Variants in XPO4 observed in about 807,000 individuals in gnomAD.
The protein encoded by XPO4 is exportin 4.
In XPO4, 39 loss-of-function variants were observed where a neutral mutation model predicts 143.0. That is an observed-to-expected ratio of 0.27 (90% CI 0.21 to 0.36). The LOEUF (loss-of-function observed/expected upper bound fraction) is 0.36, where lower values mean the gene tolerates loss of function less well. Among genes scored for constraint, XPO4 ranks in the 10% least tolerant of loss-of-function variants. XPO4 has a pLI of 1.00. For missense variants in XPO4, 907 were observed against 1,348.0 expected (o/e 0.67, Z 5.12); for synonymous variants, 439 against 474.0 (o/e 0.93, Z 0.96).
intron 13 of XPO4, 30 bp from the exon 14 acceptor site, chr13:20,801,020 C>A: frequency 6.3e-7 from 1 of 1,596,082 alleles, no homozygotes; most frequent in Non-Finnish European, 8.5e-7. Context: ...GTCATTTATT[C>A]TTTTATTTAT....
At chr13:20,806,390 G>A (rs1265628564) in intron 13 of XPO4, among the ~76,000 whole-genome samples, 2 of 151,698 alleles carry the variant, frequency 1.3e-5, no homozygotes, top group East Asian at 3.9e-4. Context: ...AGAATGAAGG[G>A]GACAGCATCC....
rs2060497486 is a variant in XPO4, at chr13:20,890,038, TAAG to T, written c.69+12629_69+12631del. On this transcript the variant is annotated intron_variant, in intron 1 of 22. Transcript: ENST00000255305. The stretch of plus-strand genomic sequence containing the variant: ...GAGCAAGAAAAAGAACCAGAAGTAA[TAAG>T]AAGACAGAAACCTGTTAAGGATGCA... 5.9e-5 allele frequency among the ~76,000 whole-genome samples: 9 copies of T among 152,290 alleles called. No homozygotes were observed. The South Asian group carries it at 1.9e-3, about 32-fold the overall frequency.
intron 16 of XPO4, 21 bp downstream of exon 16, chr13:20,799,144 C>A: frequency 6.5e-7 from 1 of 1,546,614 alleles, no homozygotes; most frequent in South Asian, 1.2e-5. Flanking sequence ...AGGGTGCAAT[C>A]AAAATAGACA....
intron 7 of XPO4, among the ~76,000 whole-genome samples, chr13:20,824,515 G>A (rs994820407): frequency 2.0e-5 from 3 of 152,166 alleles, no homozygotes; most frequent in Admixed American, 1.3e-4. Context: ...ACTGTCTTTC[G>A]AGACGGTGTG....
chr13:20,885,763 C>T (rs748660751), intron 1 of XPO4, among the ~76,000 whole-genome samples: 1 of 151,840 alleles, frequency 6.6e-6, no homozygotes, highest in African/African-American at 2.4e-5. Context: ...ATGAAGCAAG[C>T]CTTTGTCTCT....
At chr13:20,833,640 G>A (rs536842085) in intron 6 of XPO4, among the ~76,000 whole-genome samples, 24 of 152,164 alleles carry the variant, frequency 1.6e-4, no homozygotes, top group Middle Eastern at 3.4e-3. Context: ...AGGGCTAACC[G>A]TACTTAAATA....
Position 20,782,198 on chromosome 13 carries a change from C to T in XPO4, c.*1524G>A, listed in dbSNP as rs191922385. ...AGCATCACATGTAATGACACATATG[C>T]TATATGCAATCAGGTAGAAAAACCG... is the stretch of plus-strand genomic sequence containing the variant. On this transcript the variant is annotated 3_prime_UTR_variant, in exon 23 of 23. Coordinates refer to ENST00000255305, the MANE Select transcript of XPO4 (RefSeq NM_022459.5). 19 of 152,316 alleles carry T rather than the reference C, an allele frequency of 1.2e-4. No individual in the cohort carries two copies. The highest frequency in any genetic ancestry group is 8.8e-5 in the Non-Finnish European group (6 of 68,038). The allele number at this position is 152,316 out of a possible 1,614,324, so 9.4% of individuals were successfully genotyped here.
chr13:20,800,887 A>G lies in XPO4; in HGVS notation c.1921T>C (p.Phe641Leu). The stretch of plus-strand genomic sequence containing the variant: ...TAAGTCTTTGCCCAGCGTTTTAAAA[A>G]CCAAACAATATCTTTGCCCATCTGG... ...SPQMGKDIVW[F>L]LKRWAKTYLL... Residue 641 changes from phenylalanine to leucine, a missense_variant, in exon 14 of 23, where the codon TTT becomes CTT. Physicochemically the swap from Phe to Leu is conservative, Grantham distance 22 (BLOSUM62 0). Coordinates refer to ENST00000255305, the MANE Select transcript of XPO4 (RefSeq NM_022459.5). The G allele has an allele frequency of 6.2e-7, 1 of 1,614,038 alleles. No homozygotes were observed. The highest frequency in any genetic ancestry group is 8.5e-7 in the Non-Finnish European group (1 of 1,179,968).
chr13:20,799,054 A>C, intron 16 of XPO4, 111 bp downstream of exon 16: 1 of 1,063,546 alleles, frequency 9.4e-7, no homozygotes, highest in Non-Finnish European at 1.3e-6. Flanking sequence ...AGAAAGAAAG[A>C]AAAGCTATGA....
intron 9 of XPO4, among the ~76,000 whole-genome samples, chr13:20,820,589 A>C (rs1167513606): frequency 6.6e-6 from 1 of 152,214 alleles, no homozygotes; most frequent in African/African-American, 2.4e-5. Flanking sequence ...AAATACTTAA[A>C]ATTACCCTGG....
chr13:20,794,700 T>C (rs757761944), intron 18 of XPO4, among the ~76,000 whole-genome samples: 16 of 152,100 alleles, frequency 1.1e-4, no homozygotes, highest in Non-Finnish European at 1.9e-4. Flanking sequence ...GACTGCACTC[T>C]AGCCTGGATG....
In XPO4 at chr13:20,843,812, T is replaced by A. The variant is rs755753235; in HGVS notation, c.531A>T (p.Gly177=). 2 of 1,613,434 alleles carry A rather than the reference T, an allele frequency of 1.2e-6. No homozygotes were observed. The highest frequency in any genetic ancestry group is 1.7e-6 in the Non-Finnish European group (2 of 1,179,822). Residue 177 remains glycine, a synonymous_variant, in exon 5 of 23, where the codon GGA becomes GGT. Coordinates refer to ENST00000255305, the MANE Select transcript of XPO4 (RefSeq NM_022459.5). Reference sequence around the variant, plus strand: ...AGTTACCATGGAATTCCATGCTCAATCCAATGTTGCTAGTTTTACTTGAAC... The same window carrying A: ...AGTTACCATGGAATTCCATGCTCAAACCAATGTTGCTAGTTTTACTTGAAC... ...FSSSSKTSNI[G]LSMEFHGNCK... is the part of the protein sequence containing the mutation.
intron 4 of XPO4, chr13:20,851,407 G>A (rs1219418982): frequency 1.0e-6 from 1 of 985,040 alleles, no homozygotes; most frequent in East Asian, 1.1e-4. Flanking sequence ...GTAGTTCTCA[G>A]CCCTGGTATT....
chr13:20,855,862 C>T (rs1949330874), intron 3 of XPO4, 97 bp from the exon 4 acceptor site: 4 of 1,296,032 alleles, frequency 3.1e-6, no homozygotes, highest in Admixed American at 2.5e-5. Flanking sequence ...AATAACATTG[C>T]TTACATGTGA....
chr13:20,857,371 T>C (rs1255112152), intron 3 of XPO4, among the ~76,000 whole-genome samples: 2 of 152,100 alleles, frequency 1.3e-5, no homozygotes, highest in Non-Finnish European at 2.9e-5. Context: ...TATGAACTGG[T>C]TTCACAAATA....
In XPO4 at chr13:20,787,037, A is replaced by C. The variant is rs2059215822; in HGVS notation, c.3186T>G (p.Val1062=). 1 of 1,565,448 alleles carries C rather than the reference A, an allele frequency of 6.4e-7. No individual in the cohort carries two copies. Among genetic ancestry groups the C allele is most frequent in the Non-Finnish European group, 8.7e-7 (1 of 1,152,352 alleles). The change falls in exon 22 of 23, where the codon GTT becomes GTG. Residue 1062 remains valine (V), a synonymous_variant. Coordinates refer to ENST00000255305, the MANE Select transcript of XPO4 (RefSeq NM_022459.5). ...HFLKLVFDML[V]LQKHNTEMTT... The stretch of plus-strand genomic sequence containing the variant: ...TCATCTCTGTGTTGTGCTTTTGCAA[A>C]ACCAGCATATCAAAAACCAGCTGAA...
At chr13:20,843,104 C>T (rs1008307752) in intron 5 of XPO4, 56 bp from the exon 6 acceptor site, 42 of 1,471,754 alleles carry the variant, frequency 2.9e-5, no homozygotes, top group Non-Finnish European at 3.4e-5. Context: ...AAATGTATCC[C>T]CTTTTAGAAT....
intron 7 of XPO4, 30 bp downstream of exon 7, chr13:20,827,037 T>C (rs1266879516): frequency 6.7e-7 from 1 of 1,484,030 alleles, no homozygotes; most frequent in Non-Finnish European, 9.4e-7. Context: ...TCTATGGCTC[T>C]TGCTACCAGA....
chr13:20,848,416 C>G (rs2060048601), intron 4 of XPO4: 1 of 985,244 alleles, frequency 1.0e-6, no homozygotes, highest in Non-Finnish European at 1.2e-6. Flanking sequence ...GTAAGGGCTA[C>G]CACCCTCTGC....
Sources: gnomAD v4.1 joint callset for allele counts (sites outside exome capture counted in the v4.1 genomes callset) on GRCh38, gnomAD v4.1.1 for gene constraint, MANE v1.5 for transcripts, NCBI Gene and HGNC (gene_info 2026-07-23, HGNC 2026-07-21) for gene names.